COL23A1: variants seen among roughly 807,000 people sequenced by gnomAD.
COL23A1 encodes the protein collagen alpha-1(XXIII) chain.
COL23A1 carries 97 observed loss-of-function variants against 99.3 expected under a neutral mutation model. The observed-to-expected ratio is 0.98, with a 90% confidence interval of 0.83 to 1.16. The LOEUF (loss-of-function observed/expected upper bound fraction) is 1.16, where lower values mean the gene tolerates loss of function less well. Ranked by LOEUF, COL23A1 falls within the 50% of genes most tolerant of loss-of-function variation. COL23A1 has a pLI of 0.00. For synonymous variants in COL23A1, 320 were observed against 308.2 expected (o/e 1.04, Z -0.40); for missense variants, 762 against 757.4 (o/e 1.01, Z -0.07).
At chr5:178,535,092 T>A (rs1377176515) in intron 2 of COL23A1, among the ~76,000 whole-genome samples, 2 of 149,388 alleles carry the variant, frequency 1.3e-5, no homozygotes, top group Non-Finnish European at 3.0e-5. Context: ...TGCCTCAGCC[T>A]CCCCCCAGTA....
At chr5:178,448,860 C>T (rs1321209805) in intron 2 of COL23A1, among the ~76,000 whole-genome samples, 1 of 151,972 alleles carries the variant, frequency 6.6e-6, no homozygotes, top group Non-Finnish European at 1.5e-5. Flanking sequence ...ACTGAATCTG[C>T]TTGCACCTTG....
At chr5:178,573,467 C>T (rs1422971359) in intron 1 of COL23A1, among the ~76,000 whole-genome samples, 1 of 152,218 alleles carries the variant, frequency 6.6e-6, no homozygotes, top group East Asian at 1.9e-4. Context: ...CTCCCATTGG[C>T]ACACTGAGTG....
chr5:178,394,343 G>A (rs375850130), intron 2 of COL23A1, among the ~76,000 whole-genome samples: 3 of 152,306 alleles, frequency 2.0e-5, no homozygotes, highest in East Asian at 1.9e-4. Flanking sequence ...CCCTCAACTC[G>A]GAGCCACTCC....
chr5:178,374,840 T>A (rs1357682791), intron 2 of COL23A1, among the ~76,000 whole-genome samples: 1 of 152,172 alleles, frequency 6.6e-6, no homozygotes, highest in Non-Finnish European at 1.5e-5. Context: ...AGCACAGAGT[T>A]ACCCTGAGAC....
chr5:178,416,020 A>T (rs1478732657), intron 2 of COL23A1, among the ~76,000 whole-genome samples: 2 of 152,168 alleles, frequency 1.3e-5, no homozygotes, highest in Non-Finnish European at 2.9e-5. Flanking sequence ...ATCCAGAAAC[A>T]GTAGGCCAAG....
chr5:178,357,736 G>GTGTGTGTGTATGTA (rs1353482179), intron 2 of COL23A1, among the ~76,000 whole-genome samples: 124 of 150,128 alleles, frequency 8.3e-4, no homozygotes, highest in South Asian at 2.4e-3. Flanking sequence ...GTGTGTGTGT[G>GTGTGTGTGTATGTA]TATGTACGTG....
chr5:178,246,289 C>T lies in COL23A1; in HGVS notation c.1378G>A (p.Gly460Ser), dbSNP rs960664519. The T allele has an allele frequency of 2.6e-6, 4 of 1,555,498 alleles. No homozygotes were observed. The highest frequency in any genetic ancestry group is 3.5e-6 in the Non-Finnish European group (4 of 1,148,620). The stretch of plus-strand genomic sequence containing the variant: ...TTGGTTCCTGGCAGCCCAATAAGGC[C>T]CGGTGGGCCAACTGGCCCCTGGATA... ...SGLPGPVGPP[G>S]LIGLPGTKGE... Residue 460 changes from glycine to serine, a missense_variant, in exon 24 of 29, where the codon GGC becomes AGC. Physicochemically the swap from Gly to Ser is moderately conservative, Grantham distance 56 (BLOSUM62 0). Transcript: ENST00000390654.
chr5:178,273,731 C>T (rs1756426529), intron 5 of COL23A1, among the ~76,000 whole-genome samples: 1 of 152,196 alleles, frequency 6.6e-6, no homozygotes, highest in Non-Finnish European at 1.5e-5. Flanking sequence ...AAAGCTGTCC[C>T]CAGGCCCCCG....
chr5:178,292,004 A>G (rs968650185), intron 3 of COL23A1, among the ~76,000 whole-genome samples: 1 of 152,098 alleles, frequency 6.6e-6, no homozygotes, highest in Non-Finnish European at 1.5e-5. Flanking sequence ...CTATTTTCCA[A>G]AGCAAACAAA....
intron 14 of COL23A1, 55 bp downstream of exon 14, chr5:178,256,811 G>A: frequency 6.5e-7 from 1 of 1,539,838 alleles, no homozygotes. Context: ...ACTCCCGACT[G>A]GGTGGAGGTC....
At chr5:178,265,247 G>A (rs919944288) in intron 8 of COL23A1, among the ~76,000 whole-genome samples, 6 of 152,148 alleles carry the variant, frequency 3.9e-5, no homozygotes, top group African/African-American at 9.7e-5. Flanking sequence ...TCCTCCCCTT[G>A]GTCTGGCAGG....
intron 2 of COL23A1, among the ~76,000 whole-genome samples, chr5:178,409,002 A>G (rs2127777416): frequency 6.7e-6 from 1 of 149,694 alleles, no homozygotes; most frequent in South Asian, 2.1e-4. Flanking sequence ...ACACACACAC[A>G]CACACACACA....
chr5:178,532,651 T>C (rs1179266384), intron 2 of COL23A1, among the ~76,000 whole-genome samples: 2 of 152,208 alleles, frequency 1.3e-5, no homozygotes, highest in African/African-American at 2.4e-5. Context: ...TGACTGGGTG[T>C]TGTGTTCCCC....
At chr5:178,522,426 C>T (rs1175217501) in intron 2 of COL23A1, among the ~76,000 whole-genome samples, 1 of 152,136 alleles carries the variant, frequency 6.6e-6, no homozygotes. Flanking sequence ...TCTACCACAC[C>T]CTAGGACCGG....
chr5:178,436,364 G>C (rs1039221397), intron 2 of COL23A1, among the ~76,000 whole-genome samples: 1 of 151,936 alleles, frequency 6.6e-6, no homozygotes, highest in African/African-American at 2.4e-5. Context: ...AGCGGTTGTG[G>C]CGAGCACGGG....
At chr5:178,560,564 G>C (rs968350603) in intron 2 of COL23A1, 118 bp downstream of exon 2, 23 of 846,156 alleles carry the variant, frequency 2.7e-5, no homozygotes, top group Non-Finnish European at 3.9e-5. Context: ...CCCCAGGCCA[G>C]TGCACGAAGA....
intron 2 of COL23A1, among the ~76,000 whole-genome samples, chr5:178,394,869 C>T (rs1245768952): frequency 2.0e-5 from 3 of 152,140 alleles, no homozygotes; most frequent in East Asian, 1.9e-4. Flanking sequence ...CAGCTCCAAA[C>T]GTCCAGGCTT....
At position 178,482,591 on chromosome 5, in the gene COL23A1, T is replaced by C. The variant is rs188581838; in HGVS notation, c.361+78091A>G. ...TGCCACTGACCTGTACTTTTAAAAA[T>C]GGTTACAATAGACTTAGGCTGGCCG... On this transcript the variant is annotated intron_variant, in intron 2 of 28. Coordinates refer to ENST00000390654, the MANE Select transcript of COL23A1 (RefSeq NM_173465.4). Among the ~76,000 whole-genome samples, 9 of 152,216 alleles carry C rather than the reference T, an allele frequency of 5.9e-5. No individual in the cohort carries two copies. In the East Asian group the frequency reaches 1.7e-3, roughly 29 times the overall value.
At chr5:178,288,206 A>G (rs1204291922) in intron 5 of COL23A1, 118 bp downstream of exon 5, 1 of 938,458 alleles carries the variant, frequency 1.1e-6, no homozygotes, top group Non-Finnish European at 1.8e-6. Flanking sequence ...CAGAAAGACC[A>G]CGGCTGCTGA....
Sources: gnomAD v4.1 joint callset for allele counts (sites outside exome capture counted in the v4.1 genomes callset) on GRCh38, gnomAD v4.1.1 for gene constraint, MANE v1.5 for transcripts, NCBI Gene and HGNC (gene_info 2026-07-23, HGNC 2026-07-21) for gene names.